Variants in PIKFYVE observed in about 807,000 individuals in gnomAD.
PIKFYVE encodes phosphoinositide kinase, FYVE-type zinc finger containing.
Under a neutral mutation model 257.9 loss-of-function variants are expected in PIKFYVE, and 122 were observed. The ratio of observed to expected loss-of-function variants is 0.47; its 90% CI spans 0.41 to 0.55. The LOEUF (loss-of-function observed/expected upper bound fraction) is 0.55. Ranked by LOEUF, PIKFYVE falls within the 20% of genes least tolerant of loss-of-function variation. The pLI, the probability that PIKFYVE is intolerant of heterozygous loss-of-function variation, is 0.00. For synonymous variants in PIKFYVE, 892 were observed against 868.9 expected (o/e 1.03, Z -0.47); for missense variants, 2,160 against 2,536.6 (o/e 0.85, Z 3.19).
intron 7 of PIKFYVE, 23 bp from the exon 8 acceptor site, chr2:208,298,618 T>C (rs1693285259): frequency 1.9e-6 from 3 of 1,613,632 alleles, no homozygotes; most frequent in Non-Finnish European, 2.5e-6. Flanking sequence ...ACCTGTGATT[T>C]CACTTCTTGT....
chr2:208,320,101 G>A (rs895246913), intron 16 of PIKFYVE, 151 bp from the exon 17 acceptor site: 72 of 1,179,580 alleles, frequency 6.1e-5, no homozygotes, highest in South Asian at 2.0e-4. Flanking sequence ...ATTTAATACC[G>A]TAAAAGAACT....
chr2:208,277,590 T>C lies in PIKFYVE; in HGVS notation c.495T>C (p.Tyr165=), dbSNP rs778418636. The change falls in exon 5 of 42, where the codon TAT becomes TAC. Residue 165 remains tyrosine, a synonymous_variant. Transcript: ENST00000264380. The part of the protein sequence containing the change: ...WMPDSQCKEC[Y]DCSEKFTTFR... The stretch of plus-strand genomic sequence containing the variant: ...CAGATAGCCAATGTAAAGAGTGCTA[T>C]GACTGTAGTGAGAAATTTACAACCT... 1 of 1,613,942 alleles carries C rather than the reference T, an allele frequency of 6.2e-7. No homozygotes were observed. The highest frequency in any genetic ancestry group is 1.1e-5 in the South Asian group (1 of 91,084).
chr2:208,325,919 TA>T lies in PIKFYVE; in HGVS notation c.3111del (p.Lys1037AsnfsTer13), dbSNP rs1230501238. On this transcript the variant is annotated frameshift_variant, in exon 20 of 42. Transcript: ENST00000264380. LOFTEE classifies it high-confidence loss of function. Reference sequence around the variant, plus strand: ...CTGAGGAAGTCACCTCCTCTGAAGATAAACGAAAGACTTATTCTTTGGCCTT... The same window carrying T: ...CTGAGGAAGTCACCTCCTCTGAAGATAACGAAAGACTTATTCTTTGGCCTT... ...VTEEVTSSEDKRKTYSLAFKQ... is the reference protein window; with the variant it reads ...VTEEVTSSEDXRKTYSLAFKQ... 1 of 1,614,136 alleles carries T rather than the reference TA, an allele frequency of 6.2e-7. No individual in the cohort carries two copies. The highest frequency in any genetic ancestry group is 8.5e-7 in the Non-Finnish European group (1 of 1,179,974).
chr2:208,282,951 G>C (rs989479173), intron 5 of PIKFYVE, among the ~76,000 whole-genome samples: 1 of 152,106 alleles, frequency 6.6e-6, no homozygotes. Flanking sequence ...TAGGGTTCAC[G>C]CTTCTATAAG....
intron 11 of PIKFYVE, 123 bp downstream of exon 11, chr2:208,304,441 C>T: frequency 8.0e-7 from 1 of 1,257,730 alleles, no homozygotes; most frequent in Non-Finnish European, 1.1e-6. Flanking sequence ...TAAATGGAAA[C>T]ATCTGATAGC....
At chr2:208,275,044 T>C (rs1032371101) in intron 3 of PIKFYVE, among the ~76,000 whole-genome samples, 2 of 152,228 alleles carry the variant, frequency 1.3e-5, no homozygotes, top group Non-Finnish European at 2.9e-5. Flanking sequence ...TCAAGTCTGC[T>C]TGATTATTTG....
At position 208,320,507 on chromosome 2, in the gene PIKFYVE, T is replaced by A. The variant is rs189362838; in HGVS notation, c.2190+148T>A. 380 of 915,066 alleles carry A rather than the reference T, an allele frequency of 4.2e-4. 7 individuals carry two copies. In the East Asian group the frequency reaches 8.4e-3, roughly 20 times the overall value. 56.7% of individuals were successfully genotyped at this position (915,066 alleles called of 1,614,324 possible). A position where few individuals can be genotyped will look rare whatever the true frequency, so the allele number is the denominator to read the frequency against. On this transcript the variant is annotated intron_variant, in intron 17 of 41. Coordinates refer to ENST00000264380, the MANE Select transcript of PIKFYVE (RefSeq NM_015040.4). ...TACCAAAACCTCTGTCACTCATTAT[T>A]TTTAAAGTTTCATAGTATTAAAGGT...
At chr2:208,269,748 C>A (rs1689160225) in intron 1 of PIKFYVE, 1 of 249,574 alleles carries the variant, frequency 4.0e-6, no homozygotes, top group Non-Finnish European at 8.6e-6. Flanking sequence ...TGAAGGCCAC[C>A]TTGAACTCCT....
intron 40 of PIKFYVE, 24 bp downstream of exon 40, chr2:208,354,183 A>G (rs1040712007): frequency 1.9e-6 from 3 of 1,607,874 alleles, no homozygotes; most frequent in South Asian, 1.1e-5. Flanking sequence ...TACCCTGCTT[A>G]TATTTCATGA....
rs1055813547 is a variant in PIKFYVE at position 208,300,824 on chromosome 2, A to T, written c.1051-113A>T. On this transcript the variant is annotated intron_variant, in intron 8 of 41. Transcript: ENST00000264380. ...TTAAATTGTGTGAGTTAGCTACCATAAAGAAATCCAAGTTAGGTTTCCTTT... is the reference window on the plus strand; with the variant it reads ...TTAAATTGTGTGAGTTAGCTACCATTAAGAAATCCAAGTTAGGTTTCCTTT... The T allele has an allele frequency of 3.0e-6, 4 of 1,338,796 alleles. No individual in the cohort carries two copies. In the African/African-American group the frequency reaches 5.8e-5, roughly 19 times the overall value. The allele number at this position is 1,338,796 out of a possible 1,614,324, so 82.9% of individuals were successfully genotyped here. A position where few individuals can be genotyped will look rare whatever the true frequency, so the allele number is the denominator to read the frequency against.
intron 1 of PIKFYVE, among the ~76,000 whole-genome samples, chr2:208,270,122 A>T (rs1574380381): frequency 1.4e-5 from 2 of 146,852 alleles, no homozygotes; most frequent in African/African-American, 5.1e-5. Context: ...GCTCGCTGTA[A>T]CCTCCGCCTC....
In PIKFYVE at chr2:208,350,889, C is replaced by T. The variant is rs1699714165; in HGVS notation, c.5553C>T (p.His1851=). 1.9e-6 allele frequency: 3 copies of T among 1,614,182 alleles called. No individual in the cohort carries two copies. The highest frequency in any genetic ancestry group is 2.7e-5 in the African/African-American group (2 of 75,050). Residue 1851 remains histidine (H), a synonymous_variant, in exon 37 of 42, where the codon CAC becomes CAT. Coordinates refer to ENST00000264380, the MANE Select transcript of PIKFYVE (RefSeq NM_015040.4). ...AAGATTTCATTCGTTCCCTCTCCCACTCATCACCCTGGCAGGCCCGGGGAG... is the reference window on the plus strand; with the variant it reads ...AAGATTTCATTCGTTCCCTCTCCCATTCATCACCCTGGCAGGCCCGGGGAG... ...SEEDFIRSLS[H]SSPWQARGGK... is the part of the protein sequence containing the mutation.
chr2:208,329,969 C>G, intron 22 of PIKFYVE, 56 bp downstream of exon 22: 1 of 1,593,342 alleles, frequency 6.3e-7, no homozygotes, highest in Non-Finnish European at 8.6e-7. Context: ...CTCAAAATTT[C>G]AAGCTAAAAC....
intron 17 of PIKFYVE, among the ~76,000 whole-genome samples, chr2:208,322,397 A>AC (rs1285577485): frequency 1.3e-5 from 2 of 150,336 alleles, no homozygotes; most frequent in African/African-American, 4.9e-5. Context: ...AAAAAAAAAA[A>AC]ACTTAGAAAT....
chr2:208,354,880 G>A (rs961193686), intron 41 of PIKFYVE, among the ~76,000 whole-genome samples: 4 of 152,206 alleles, frequency 2.6e-5, no homozygotes, highest in African/African-American at 7.2e-5. Flanking sequence ...AAAGCCAGAT[G>A]TTCTGAATAA....
intron 7 of PIKFYVE, among the ~76,000 whole-genome samples, chr2:208,293,079 ATTCTT>A (rs1692515301): frequency 1.9e-5 from 1 of 53,920 alleles, no homozygotes; most frequent in African/African-American, 5.0e-5. Context: ...TACGAGTTAC[ATTCTT>A]TTTTTTTTTT....
At chr2:208,275,410 C>T (rs773104872) in intron 3 of PIKFYVE, among the ~76,000 whole-genome samples, 21 of 152,328 alleles carry the variant, frequency 1.4e-4, no homozygotes, top group Non-Finnish European at 2.8e-4. Context: ...GCCTGCTGCA[C>T]GGAAGCACAG....
chr2:208,312,027 G>T (rs200977884), intron 12 of PIKFYVE, among the ~76,000 whole-genome samples: 1 of 152,138 alleles, frequency 6.6e-6, no homozygotes, highest in East Asian at 1.9e-4. Context: ...TGTTATTAAT[G>T]CAAGTCTGCT....
intron 7 of PIKFYVE, among the ~76,000 whole-genome samples, chr2:208,290,260 A>G (rs995750456): frequency 3.3e-5 from 5 of 152,218 alleles, no homozygotes; most frequent in African/African-American, 1.2e-4. Context: ...CAAAAAGTCT[A>G]CTGGGCTTCT....
Sources: allele counts gnomAD v4.1 joint callset (sites outside exome capture counted in the v4.1 genomes callset), GRCh38; gene constraint gnomAD v4.1.1; transcripts MANE v1.5; gene names NCBI Gene and HGNC (gene_info 2026-07-23, HGNC 2026-07-21).